ZNF625: variants seen among roughly 807,000 people sequenced by gnomAD.
The protein encoded by ZNF625 is zinc finger protein 625.
ZNF625 carries 8 observed loss-of-function variants against 11.1 expected under a neutral mutation model. The ratio of observed to expected loss-of-function variants is 0.72; its 90% CI spans 0.42 to 1.30. The LOEUF is 1.30. ZNF625 is among the 50% of genes most tolerant of loss of function. The pLI is 0.01. For synonymous variants in ZNF625, 145 were observed against 153.4 expected, an observed-to-expected ratio of 0.95 and a Z score of 0.41; for missense variants, 349 against 447.6, an observed-to-expected ratio of 0.78 and a Z score of 1.99.
At chr19:12,147,831 A>T (rs749313002) in intron 1 of ZNF625, 29 bp from the exon 2 acceptor site, 70 of 1,612,366 alleles carry the variant, frequency 4.3e-5, no homozygotes, top group East Asian at 2.7e-4. Flanking sequence ...GTAAAGAAAC[A>T]TGGGTGAGAC....
chr19:12,153,163 C>T (rs269822), intron 1 of ZNF625, among the ~76,000 whole-genome samples: 6,913 of 151,758 alleles, frequency 0.046, 510 homozygotes, highest in African/African-American at 0.16. Context: ...ACCAACCTGG[C>T]CAAGATGATG....
Position 12,147,281 on chromosome 19 carries a change from G to T in ZNF625, c.191+114C>A. ...CACAGCCGGCCCTAGAGAAAATTTT[G>T]TAAGAATAAATACAGTGGAACTTGG... On this transcript the variant is annotated intron_variant, in intron 3 of 3. Coordinates refer to ENST00000439556, the MANE Select transcript of ZNF625 (RefSeq NM_145233.4). 3.9e-6 allele frequency: 4 copies of T among 1,020,590 alleles called. No individual in the cohort carries two copies. The South Asian group carries it at 4.7e-5, about 12-fold the overall frequency. 63.2% of individuals were successfully genotyped at this position (1,020,590 alleles called of 1,614,324 possible). A position where few individuals can be genotyped will look rare whatever the true frequency, so the allele number is the denominator to read the frequency against.
intron 3 of ZNF625, among the ~76,000 whole-genome samples, chr19:12,146,988 A>T (rs1185672320): frequency 5.5e-4 from 58 of 105,582 alleles, no homozygotes; most frequent in African/African-American, 2.6e-3. Context: ...TTTTTTTGAG[A>T]CGGAGTCTCG....
At position 12,145,388 on chromosome 19, in the gene ZNF625, G is replaced by C; in HGVS notation, c.1028C>G (p.Ala343Gly). ...CCTTTCATGGATTTTAACGCTCGAG[G>C]CACATCCAAAGGCTTTACCACATTG... The part of the protein sequence containing the change: ...CKQCGKAFGC[A>G]SSVKIHERTH... Residue 343 changes from alanine (A) to glycine (G), a missense_variant, in exon 4 of 4, where the codon GCC becomes GGC. Transcript: ENST00000439556. 1.2e-6 allele frequency: 2 copies of C among 1,614,086 alleles called. No individual in the cohort carries two copies. Among genetic ancestry groups the C allele is most frequent in the Non-Finnish European group, 1.7e-6 (2 of 1,180,018 alleles).
chr19:12,146,357 A>G lies in ZNF625; in HGVS notation c.192-133T>C. On this transcript the variant is annotated intron_variant, in intron 3 of 3. Transcript: ENST00000439556. Reference sequence around the variant, plus strand: ...CTTTCTGCCCTGTCTGAACATGAACAGACCACACATGCTCTACAAGATGGC... The same window carrying G: ...CTTTCTGCCCTGTCTGAACATGAACGGACCACACATGCTCTACAAGATGGC... The G allele has an allele frequency of 1.4e-5, 11 of 779,772 alleles. No homozygotes were observed. The South Asian group carries it at 1.9e-4, about 14-fold the overall frequency. The allele number at this position is 779,772 out of a possible 1,614,324, so 48.3% of individuals were successfully genotyped here.
At chr19:12,154,833 TAC>T (rs1256395375) in intron 1 of ZNF625, among the ~76,000 whole-genome samples, 5 of 152,274 alleles carry the variant, frequency 3.3e-5, no homozygotes, top group Admixed American at 6.5e-5. Flanking sequence ...AGTTCCCAGT[TAC>T]ATTAGTAAGG....
Position 12,145,796 on chromosome 19 carries a change from A to C in ZNF625, c.620T>G (p.Leu207Arg). The change falls in exon 4 of 4, where the codon CTT becomes CGT. Residue 207 changes from leucine to arginine, a missense_variant. Transcript: ENST00000439556. ...GKALMCLSLYLIHKRTHTGEK... is the reference protein window; with the variant it reads ...GKALMCLSLYRIHKRTHTGEK... ...TCCAGTGTGAGTTCGTTTGTGGATA[A>C]GATACAAACTGAGACACATCAAGGC... 1.2e-6 allele frequency: 2 copies of C among 1,614,188 alleles called. No individual in the cohort carries two copies. Among genetic ancestry groups the C allele is most frequent in the Non-Finnish European group, 1.7e-6 (2 of 1,180,012 alleles).
At position 12,145,170 on chromosome 19, in the gene ZNF625, T is replaced by A. The variant is rs113948189; in HGVS notation, c.*127A>T. The A allele has an allele frequency of 8.2e-7, 1 of 1,224,372 alleles. No homozygotes were observed. The highest frequency in any genetic ancestry group is 1.1e-6 in the Non-Finnish European group (1 of 880,948). The allele number at this position is 1,224,372 out of a possible 1,614,324, so 75.8% of individuals were successfully genotyped here. A position where few individuals can be genotyped will look rare whatever the true frequency, so the allele number is the denominator to read the frequency against. ...TTGCTCCTGGGCTACTGGCATTTATTTCTGAATGCTGTCAAATGACAGTGA... is the reference window on the plus strand; with the variant it reads ...TTGCTCCTGGGCTACTGGCATTTATATCTGAATGCTGTCAAATGACAGTGA... On this transcript the variant is annotated 3_prime_UTR_variant, in exon 4 of 4. Transcript: ENST00000439556.
At chr19:12,151,259 T>A (rs1340900842) in intron 1 of ZNF625, among the ~76,000 whole-genome samples, 1 of 150,994 alleles carries the variant, frequency 6.6e-6, no homozygotes, top group East Asian at 1.9e-4. Flanking sequence ...TCATCCAGGC[T>A]GGAGTGCAGT....
chr19:12,146,763 T>C (rs1267914549), intron 3 of ZNF625, among the ~76,000 whole-genome samples: 1 of 152,154 alleles, frequency 6.6e-6, no homozygotes, highest in Admixed American at 6.6e-5. Context: ...ATTTTACAAG[T>C]ACTAACTGTC....
chr19:12,149,657 T>C (rs1429863376), intron 1 of ZNF625, among the ~76,000 whole-genome samples: 2 of 152,184 alleles, frequency 1.3e-5, no homozygotes, highest in African/African-American at 4.8e-5. Flanking sequence ...GGGCAAAGTA[T>C]TTCAGTGACG....
Position 12,148,130 on chromosome 19 carries a change from C to A in ZNF625, c.4-328G>T, listed in dbSNP as rs142295855. ...AAGTAGCTGAGATTATAGGCGCCTG[C>A]CACCACGCACAACTAATTTTTGTAT... On this transcript the variant is annotated intron_variant, in intron 1 of 3. Coordinates refer to ENST00000439556, the MANE Select transcript of ZNF625 (RefSeq NM_145233.4). Among the ~76,000 whole-genome samples the A allele has an allele frequency of 1.8e-3, 273 of 152,216 alleles. 1 individual carries two copies. The highest frequency in any genetic ancestry group is 6.3e-3 in the African/African-American group (261 of 41,526).
chr19:12,146,000 T>A lies in ZNF625; in HGVS notation c.416A>T (p.Tyr139Phe). Residue 139 changes from tyrosine (Y) to phenylalanine (F), a missense_variant, in exon 4 of 4, where the codon TAC becomes TTC. Transcript: ENST00000439556. ...EYGQKPYKCT[Y>F]CKKAFSDLPY... ...GAGATCACTGAAGGCTTTCTTACAG[T>A]ATGTACATTTATATGGCTTCTGTCC... 6.2e-7 allele frequency: 1 copy of A among 1,614,228 alleles called. No homozygotes were observed. Among genetic ancestry groups the A allele is most frequent in the Non-Finnish European group, 8.5e-7 (1 of 1,180,046 alleles).
Position 12,145,325 on chromosome 19 carries a change from G to A in ZNF625, c.1091C>T (p.Ser364Leu), listed in dbSNP as rs140651282. The A allele has an allele frequency of 1.6e-5, 26 of 1,611,418 alleles. No individual in the cohort carries two copies. The highest frequency in any genetic ancestry group is 2.7e-5 in the African/African-American group (2 of 74,806). ...AGCAATCTTCTCGCCTTGGCCTTTC[G>A]AAGTGTTGGAGCTACAGGGTTTTTC... ...TGEKPCSSNT[S>L]KGQGEKIA The change falls in exon 4 of 4, where the codon TCG (serine) becomes TTG (leucine). Residue 364 changes from serine (S) to leucine (L), a missense_variant. Ser to Leu is a moderately radical substitution (Grantham distance 145). Transcript: ENST00000439556.
At chr19:12,153,349 CAAAAA>C (rs1260818004) in intron 1 of ZNF625, among the ~76,000 whole-genome samples, 1 of 61,460 alleles carries the variant, frequency 1.6e-5, no homozygotes. Flanking sequence ...GACTCCATCT[CAAAAA>C]AAAAAAAAAA....
At chr19:12,147,884 A>G (rs2072870947) in intron 1 of ZNF625, 82 bp from the exon 2 acceptor site, 9 of 1,522,582 alleles carry the variant, frequency 5.9e-6, no homozygotes, top group African/African-American at 1.4e-5. Context: ...CAAAGTTTCC[A>G]TGGTGCTATG....
intron 1 of ZNF625, among the ~76,000 whole-genome samples, chr19:12,148,020 C>T (rs539331148): frequency 6.6e-6 from 1 of 152,208 alleles, no homozygotes; most frequent in Admixed American, 6.5e-5. Context: ...CATTCTGTCA[C>T]CCAAGTGGGA....
chr19:12,146,595 C>G (rs1029855626), intron 3 of ZNF625, among the ~76,000 whole-genome samples: 3 of 152,084 alleles, frequency 2.0e-5, no homozygotes, highest in Non-Finnish European at 2.9e-5. Flanking sequence ...TCGTGCCTGG[C>G]TAATTTTTGT....
chr19:12,147,896 ACTCC>A, intron 1 of ZNF625, 94 bp from the exon 2 acceptor site: 1 of 1,455,936 alleles, frequency 6.9e-7, no homozygotes, highest in Non-Finnish European at 9.2e-7. Context: ...GGTGCTATGG[ACTCC>A]AAACATTTAT....
Sources: gnomAD v4.1 joint callset for allele counts (sites outside exome capture counted in the v4.1 genomes callset) on GRCh38, gnomAD v4.1.1 for gene constraint, MANE v1.5 for transcripts, NCBI Gene and HGNC (gene_info 2026-07-23, HGNC 2026-07-21) for gene names.